ALG9: variants seen among roughly 807,000 people sequenced by gnomAD.
ALG9 encodes the protein ALG9 alpha-1,2-mannosyltransferase, also known as alpha-1,2-mannosyltransferase ALG9.
Under a neutral mutation model 81.8 loss-of-function variants are expected in ALG9, and 55 were observed. That is an observed-to-expected ratio of 0.67 (90% CI 0.54 to 0.84). The LOEUF is 0.84. Among genes scored for constraint, ALG9 ranks in the 40% least tolerant of loss-of-function variants. The pLI, the probability that ALG9 is intolerant of heterozygous loss-of-function variation, is 0.00. For synonymous variants in ALG9, 278 were observed against 274.3 expected, an observed-to-expected ratio of 1.01 and a Z score of -0.13; for missense variants, 629 against 745.0, an observed-to-expected ratio of 0.84 and a Z score of 1.81.
chr11:111,787,610 C>A lies in ALG9; in HGVS notation c.1734-1090G>T, dbSNP rs1946669182. Among the ~76,000 whole-genome samples the A allele has an allele frequency of 2.6e-5, 4 of 151,582 alleles. No individual in the cohort carries two copies. The South Asian group carries it at 8.4e-4, about 32-fold the overall frequency. ...TAGCTGGGATTACAGGCACCCACCA[C>A]CACGACCGGCTAATTTTTTTGTATT... On this transcript the variant is annotated intron_variant, in intron 14 of 14. Coordinates refer to ENST00000616540, the MANE Select transcript of ALG9 (RefSeq NM_024740.2).
At chr11:111,794,279 T>C (rs1344243480) in intron 14 of ALG9, among the ~76,000 whole-genome samples, 1 of 152,106 alleles carries the variant, frequency 6.6e-6, no homozygotes, top group Non-Finnish European at 1.5e-5. Context: ...CATCCTAGTA[T>C]CCAGGTTTTC....
intron 13 of ALG9, among the ~76,000 whole-genome samples, chr11:111,824,699 T>C (rs557654320): frequency 6.6e-6 from 1 of 152,218 alleles, no homozygotes. Flanking sequence ...GCTATATACT[T>C]TACAATCTAA....
intron 5 of ALG9, among the ~76,000 whole-genome samples, chr11:111,860,306 C>T (rs1228416877): frequency 6.6e-6 from 1 of 152,160 alleles, no homozygotes; most frequent in Non-Finnish European, 1.5e-5. Context: ...ATGTCCTTAC[C>T]TGCAAAAGTG....
chr11:111,777,748 C>G (rs370512975), downstream of ALG9, among the ~76,000 whole-genome samples: 2 of 152,104 alleles, frequency 1.3e-5, no homozygotes, highest in African/African-American at 2.4e-5. Flanking sequence ...TTCTACATAC[C>G]TCCACAAATA....
chr11:111,853,890 C>G (rs548629065), intron 6 of ALG9, among the ~76,000 whole-genome samples, 154 bp from the exon 7 acceptor site: 2 of 152,270 alleles, frequency 1.3e-5, no homozygotes, highest in African/African-American at 2.4e-5. Context: ...GTCACAGGAC[C>G]TGTCAGAGTG....
rs1555064465 is a variant in ALG9, at chr11:111,786,515, G to A, written c.1739C>T (p.Ser580Leu). The A allele has an allele frequency of 1.2e-6, 2 of 1,613,914 alleles. No homozygotes were observed. Among genetic ancestry groups the A allele is most frequent in the Admixed American group, 1.7e-5 (1 of 60,006 alleles). ...GACATAGAATGCCCGCAGCAGCTTT[G>A]AAGATCTGAAAAACAAGGGATAAAA... The part of the protein sequence containing the change: ...YRPFLDASRS[S>L]KLLRAFYVPF... The change falls in exon 15 of 15, where the codon TCA (serine) becomes TTA (leucine). Residue 580 changes from serine (S) to leucine (L), a missense_variant. Ser to Leu is a moderately radical substitution (Grantham distance 145). Transcript: ENST00000616540.
chr11:111,777,334 G>A (rs1945732479), downstream of ALG9, among the ~76,000 whole-genome samples: 1 of 152,178 alleles, frequency 6.6e-6, no homozygotes. Context: ...CAATACAAGA[G>A]TGCAATGCAG....
At chr11:111,811,542 CAAAA>C (rs11305937) in intron 13 of ALG9, among the ~76,000 whole-genome samples, 2 of 89,040 alleles carry the variant, frequency 2.2e-5, no homozygotes, top group African/African-American at 7.8e-5. Flanking sequence ...GACTCTGTCT[CAAAA>C]AAAAAAAAAA....
chr11:111,783,978 T>C lies in ALG9; in HGVS notation c.*2419A>G, dbSNP rs1946209235. ...CAGATAAAACAGCATTATACTACTTTGATTAGAAAAAAGCCATTCATCACA... is the reference window on the plus strand; with the variant it reads ...CAGATAAAACAGCATTATACTACTTCGATTAGAAAAAAGCCATTCATCACA... On this transcript the variant is annotated 3_prime_UTR_variant, in exon 15 of 15. Transcript: ENST00000616540. 1 of 151,682 alleles carries C rather than the reference T, an allele frequency of 6.6e-6. No homozygotes were observed. Among genetic ancestry groups the C allele is most frequent in the Admixed American group, 6.6e-5 (1 of 15,208 alleles). The allele number at this position is 151,682 out of a possible 1,614,324, so 9.4% of individuals were successfully genotyped here.
intron 7 of ALG9, 42 bp downstream of exon 7, chr11:111,853,607 C>T: frequency 6.3e-7 from 1 of 1,594,052 alleles, no homozygotes; most frequent in Non-Finnish European, 8.6e-7. Flanking sequence ...AAGTTGCTTT[C>T]ATTACAACTT....
intron 11 of ALG9, 130 bp downstream of exon 11, chr11:111,838,119 G>A (rs1955627417): frequency 9.9e-7 from 1 of 1,013,472 alleles, no homozygotes; most frequent in Admixed American, 2.3e-5. Flanking sequence ...TTAATATTAA[G>A]TCTACAGGTT....
At chr11:111,773,011 G>C in the ALG9 span, among the ~76,000 whole-genome samples, 2 of 151,996 alleles carry the variant, frequency 1.3e-5, no homozygotes, top group African/African-American at 2.4e-5. Flanking sequence ...GGCCGAGGCA[G>C]GCGGATCACG....
At chr11:111,866,549 A>G (rs1170373807) in intron 3 of ALG9, among the ~76,000 whole-genome samples, 3 of 152,064 alleles carry the variant, frequency 2.0e-5, no homozygotes, top group African/African-American at 7.2e-5. Context: ...CCTTTGCTGA[A>G]TGGCTAGGAA....
At chr11:111,775,072 G>A in the ALG9 span, among the ~76,000 whole-genome samples, 3 of 152,136 alleles carry the variant, frequency 2.0e-5, no homozygotes, top group African/African-American at 7.2e-5. Context: ...ACAGGCATGA[G>A]CCACCACGCC....
rs536383106 is a variant in ALG9 at position 111,797,585 on chromosome 11, T to C, written c.1734-11065A>G. 2.6e-5 allele frequency among the ~76,000 whole-genome samples: 4 copies of C among 152,368 alleles called. No individual in the cohort carries two copies. The East Asian group carries it at 5.8e-4, about 22-fold the overall frequency. ...AGTATGGATGACTGTTACACAGCAA[T>C]AGCTGGAACAAATGCTTCTGGCTAA... On this transcript the variant is annotated intron_variant, in intron 14 of 14. Transcript: ENST00000616540.
At chr11:111,779,685 C>T (rs1295889305), downstream of ALG9, among the ~76,000 whole-genome samples, 2 of 151,434 alleles carry the variant, frequency 1.3e-5, no homozygotes, top group African/African-American at 2.4e-5. Flanking sequence ...CATGTAATGA[C>T]AGAACAAGCC....
intron 14 of ALG9, among the ~76,000 whole-genome samples, chr11:111,792,279 A>T (rs183514895): frequency 1.3e-5 from 2 of 152,336 alleles, no homozygotes; most frequent in East Asian, 3.9e-4. Context: ...TCTAGGGGCC[A>T]TGTCTGTTTT....
At chr11:111,822,073 G>A (rs1433627837) in intron 13 of ALG9, among the ~76,000 whole-genome samples, 1 of 152,116 alleles carries the variant, frequency 6.6e-6, no homozygotes, top group Non-Finnish European at 1.5e-5. Flanking sequence ...ATTAGAAGTG[G>A]CTAATGCTCC....
At chr11:111,836,063 T>A in intron 13 of ALG9, 102 bp downstream of exon 13, 1 of 1,550,832 alleles carries the variant, frequency 6.4e-7, no homozygotes, top group Non-Finnish European at 8.9e-7. Context: ...AAAAATTGCT[T>A]TCTAAGAAAT....
Sources: gnomAD v4.1 joint callset for allele counts (sites outside exome capture counted in the v4.1 genomes callset) on GRCh38, gnomAD v4.1.1 for gene constraint, MANE v1.5 for transcripts, NCBI Gene and HGNC (gene_info 2026-07-23, HGNC 2026-07-21) for gene names.